Variants in JADE2 observed in about 807,000 individuals in gnomAD.
JADE2 encodes E3 ubiquitin-protein ligase Jade-2.
In JADE2, 13 loss-of-function variants were observed where a neutral mutation model predicts 85.7. That is an observed-to-expected ratio of 0.15 (90% CI 0.10 to 0.24). The LOEUF (loss-of-function observed/expected upper bound fraction) is 0.24, where lower values mean the gene tolerates loss of function less well. Among genes scored for constraint, JADE2 ranks in the 10% least tolerant of loss-of-function variants. The probability of loss-of-function intolerance (pLI) is 1.00; values close to 1 mark genes in which losing one functional copy is unlikely to be tolerated. For synonymous variants in JADE2, 440 were observed against 456.1 expected, an observed-to-expected ratio of 0.96 and a Z score of 0.45; for missense variants, 846 against 1,115.9, an observed-to-expected ratio of 0.76 and a Z score of 3.45.
At position 134,578,452 on chromosome 5, in the gene JADE2, A is replaced by G. The variant is rs1382623506; in HGVS notation, c.1682-42A>G. 2 of 1,449,600 alleles carry G rather than the reference A, an allele frequency of 1.4e-6. No individual in the cohort carries two copies. The highest frequency in any genetic ancestry group is 2.8e-5 in the African/African-American group (2 of 70,692). 89.8% of individuals were successfully genotyped at this position (1,449,600 alleles called of 1,614,324 possible). On this transcript the variant is annotated intron_variant, in intron 11 of 11. Coordinates refer to ENST00000681547, the MANE Select transcript of JADE2 (RefSeq NM_001388185.1). This position sits in a 1 kb window ranked among gnomAD's most constrained non-coding sequence, Gnocchi z 4.4. The stretch of plus-strand genomic sequence containing the variant: ...AGTGGGCTTCCTGAAAGGGTGGGAC[A>G]CACGTCTGCTGGCGTCTCACTTGCC...
Position 134,578,477 on chromosome 5 carries a change from C to T in JADE2, c.1682-17C>T, listed in dbSNP as rs770089286. The T allele has an allele frequency of 6.5e-7, 1 of 1,545,670 alleles. No individual in the cohort carries two copies. The highest frequency in any genetic ancestry group is 8.8e-7 in the Non-Finnish European group (1 of 1,139,450). Reference sequence around the variant, plus strand: ...ACACGTCTGCTGGCGTCTCACTTGCCTCCTCTCTCCCCTCAGCAGGCCTGT... The same window carrying T: ...ACACGTCTGCTGGCGTCTCACTTGCTTCCTCTCTCCCCTCAGCAGGCCTGT... On this transcript the variant is annotated splice_polypyrimidine_tract_variant and intron_variant, in intron 11 of 11. Transcript: ENST00000681547. The surrounding 1 kb of genome is among the most constrained non-coding windows in gnomAD (Gnocchi z 4.4).
At chr5:134,527,998 C>A (rs968282506) in intron 1 of JADE2, among the ~76,000 whole-genome samples, 6 of 152,122 alleles carry the variant, frequency 3.9e-5, no homozygotes, top group African/African-American at 1.4e-4. Flanking sequence ...TGTAGGGGGT[C>A]ATCGAGAGGT....
rs1490928380 is a variant in JADE2, at chr5:134,578,031, G to A, written c.1682-463G>A. ...CCAACCCCACCAGAATGGGGGTAGT[G>A]GGCAGGTCCAACTTCGTGGGTAGCA... On this transcript the variant is annotated intron_variant, in intron 11 of 11. Transcript: ENST00000681547. The surrounding 1 kb of genome is among the most constrained non-coding windows in gnomAD (Gnocchi z 4.4). Among the ~76,000 whole-genome samples, 2 of 152,202 alleles carry A rather than the reference G, an allele frequency of 1.3e-5. No individual in the cohort carries two copies. Among genetic ancestry groups the A allele is most frequent in the Non-Finnish European group, 2.9e-5 (2 of 68,030 alleles).
intron 3 of JADE2, among the ~76,000 whole-genome samples, chr5:134,541,924 T>C (rs912598102): frequency 1.3e-5 from 2 of 152,234 alleles, no homozygotes; most frequent in African/African-American, 4.8e-5. Context: ...GGCTAAGGCC[T>C]GGAGGCCCAG....
chr5:134,549,736 A>G (rs532394043), intron 3 of JADE2, among the ~76,000 whole-genome samples: 3 of 152,338 alleles, frequency 2.0e-5, no homozygotes, highest in African/African-American at 7.2e-5. Context: ...TTTAGAGGGC[A>G]CATAGTGACA....
At chr5:134,535,193 G>A (rs1308533482) in intron 1 of JADE2, among the ~76,000 whole-genome samples, 1 of 152,214 alleles carries the variant, frequency 6.6e-6, no homozygotes, top group Non-Finnish European at 1.5e-5. Flanking sequence ...AGATGTTGCA[G>A]TTGAGGTAGA....
In JADE2 at chr5:134,560,801, C is replaced by A; in HGVS notation, c.528C>A (p.Thr176=). 6.2e-7 allele frequency: 1 copy of A among 1,614,144 alleles called. No homozygotes were observed. The highest frequency in any genetic ancestry group is 8.5e-7 in the Non-Finnish European group (1 of 1,180,030). Residue 176 remains threonine, a synonymous_variant, in exon 6 of 12, where the codon ACC becomes ACA. Transcript: ENST00000681547. ...AGCGTGTGCTGGAGGAGCTGGAGAC[C>A]CTGTGCCACCAGAATATGGCCAGGG... The part of the protein sequence containing the change: ...TLERVLEELE[T]LCHQNMARAI...
In JADE2 at chr5:134,533,734, C is replaced by A. The variant is rs527756763; in HGVS notation, c.1-2124C>A. The A allele has an allele frequency of 2.8e-3, 352 of 126,588 alleles. 2 individuals carry two copies. The highest frequency in any genetic ancestry group is 2.8e-3 in the Non-Finnish European group (185 of 66,536). 7.8% of individuals were successfully genotyped at this position (126,588 alleles called of 1,614,324 possible). Reference sequence around the variant, plus strand: ...TGTCAGTCAGCCTTTGTCACACTCTCTCTTTTTTTTTTTTTTTTTTTTTTT... The same window carrying A: ...TGTCAGTCAGCCTTTGTCACACTCTATCTTTTTTTTTTTTTTTTTTTTTTT... On this transcript the variant is annotated intron_variant, in intron 1 of 11. Coordinates refer to ENST00000681547, the MANE Select transcript of JADE2 (RefSeq NM_001388185.1).
chr5:134,559,391 C>T (rs932088364), intron 4 of JADE2, among the ~76,000 whole-genome samples: 2 of 152,246 alleles, frequency 1.3e-5, no homozygotes, highest in Admixed American at 6.5e-5. Context: ...CACTACCTCA[C>T]TTGTTGCTGG....
At chr5:134,532,611 C>T (rs1333184565) in intron 1 of JADE2, among the ~76,000 whole-genome samples, 2 of 152,152 alleles carry the variant, frequency 1.3e-5, no homozygotes, top group East Asian at 3.8e-4. Flanking sequence ...AAATCTTCTC[C>T]CACAGCAGAC....
intron 4 of JADE2, among the ~76,000 whole-genome samples, chr5:134,556,322 C>T (rs900006118): frequency 6.6e-6 from 1 of 152,176 alleles, no homozygotes; most frequent in Non-Finnish European, 1.5e-5. Context: ...AGGGGCAGCA[C>T]ACAGCTGAGC....
intron 3 of JADE2, 127 bp from the exon 4 acceptor site, chr5:134,551,925 G>A (rs750683938): frequency 1.0e-4 from 87 of 850,098 alleles, no homozygotes; most frequent in Non-Finnish European, 1.6e-4. Context: ...CTTTTATTTC[G>A]TCTTATTTCT....
At chr5:134,565,280 C>T (rs1763569688) in intron 8 of JADE2, among the ~76,000 whole-genome samples, 1 of 152,204 alleles carries the variant, frequency 6.6e-6, no homozygotes, top group African/African-American at 2.4e-5. Context: ...CTTCACCCAT[C>T]CACGGACCTT....
At position 134,578,658 on chromosome 5, in the gene JADE2, G is replaced by A. The variant is rs1389466455; in HGVS notation, c.1846G>A (p.Asp616Asn). 6.2e-7 allele frequency: 1 copy of A among 1,613,988 alleles called. No homozygotes were observed. The highest frequency in any genetic ancestry group is 1.3e-5 in the African/African-American group (1 of 74,932). ...GCTGCTGTCAGAGGAACTGCTGCAG[G>A]ACGAGGAGACACTGCTCAGCTTCAT... ...PGLLSEELLQDEETLLSFMRD... is the reference protein window; with the variant it reads ...PGLLSEELLQNEETLLSFMRD... The change falls in exon 12 of 12, where the codon GAC (aspartate) becomes AAC (asparagine). Residue 616 changes from aspartate to asparagine, a missense_variant. Physicochemically the swap from Asp to Asn is conservative, Grantham distance 23 (BLOSUM62 1). Around this residue, in one of 9 missense-constraint regions of JADE2, gnomAD observed 119 missense variants for 163.9 expected, o/e 0.73. Coordinates refer to ENST00000681547, the MANE Select transcript of JADE2 (RefSeq NM_001388185.1). This position sits in a 1 kb window ranked among gnomAD's most constrained non-coding sequence, Gnocchi z 4.4.
rs1299114503 is a variant in JADE2 at position 134,566,204 on chromosome 5, A to T, written c.1058A>T (p.Asp353Val). The change falls in exon 9 of 12, where the codon GAT becomes GTT. Residue 353 changes from aspartate (D) to valine (V), a missense_variant. Around this residue, in one of 9 missense-constraint regions of JADE2, gnomAD observed 39 missense variants for 37.6 expected, o/e 1.04. Transcript: ENST00000681547. This position sits in a 1 kb window ranked among gnomAD's most constrained non-coding sequence, Gnocchi z 6.7. The part of the protein sequence containing the change: ...LEMRTILADN[D>V]EVKFKSFCQE... ...ATGCGGACTATATTAGCAGACAACGATGAGGTCAAGTTCAAGTCATTCTGC... is the reference window on the plus strand; with the variant it reads ...ATGCGGACTATATTAGCAGACAACGTTGAGGTCAAGTTCAAGTCATTCTGC... 2 of 1,613,982 alleles carry T rather than the reference A, an allele frequency of 1.2e-6. No individual in the cohort carries two copies. The highest frequency in any genetic ancestry group is 1.7e-6 in the Non-Finnish European group (2 of 1,180,026).
intron 3 of JADE2, among the ~76,000 whole-genome samples, chr5:134,542,283 A>T (rs139344194): frequency 7.3e-4 from 111 of 152,308 alleles, no homozygotes; most frequent in Middle Eastern, 3.4e-3. Context: ...TGGCTCACTA[A>T]ATGGTGTAGC....
chr5:134,545,920 T>C (rs557095878), intron 3 of JADE2, among the ~76,000 whole-genome samples: 1 of 152,296 alleles, frequency 6.6e-6, no homozygotes, highest in East Asian at 1.9e-4. Flanking sequence ...TTGGGACTTT[T>C]GGTGTAGACA....
intron 3 of JADE2, among the ~76,000 whole-genome samples, chr5:134,546,810 A>T (rs146278963): frequency 6.6e-6 from 1 of 152,224 alleles, no homozygotes; most frequent in African/African-American, 2.4e-5. Context: ...AAGTAATTAT[A>T]TTTTGTAGTG....
chr5:134,524,410 T>C (rs329117), upstream of JADE2: 100,403 of 152,246 alleles, frequency 0.66, 33,685 homozygotes, highest in East Asian at 0.92. Context: ...GATCCGAGCG[T>C]ACTGTTTGTG....
Sources: gnomAD v4.1 joint callset for allele counts (sites outside exome capture counted in the v4.1 genomes callset) on GRCh38, gnomAD v4.1.1 for gene constraint, gnomAD v4.1.1 regional missense constraint, Gnocchi (gnomAD v3.1) non-coding constraint, MANE v1.5 for transcripts, NCBI Gene and HGNC (gene_info 2026-07-23, HGNC 2026-07-21) for gene names.